ETS1: variants seen among roughly 807,000 people sequenced by gnomAD.
ETS1 encodes the protein ETS proto-oncogene 1, transcription factor, also known as protein C-ets-1.
A neutral mutation model predicts 58.6 loss-of-function variants in ETS1; 15 were observed. That is an observed-to-expected ratio of 0.26 (90% CI 0.17 to 0.39). ETS1 has a LOEUF of 0.39. Ranked by LOEUF, ETS1 falls within the 10% of genes least tolerant of loss-of-function variation. The pLI is 1.00. For missense variants in ETS1, 417 were observed against 610.5 expected, an observed-to-expected ratio of 0.68 and a Z score of 3.34; for synonymous variants, 214 against 218.2, an observed-to-expected ratio of 0.98 and a Z score of 0.17.
intron 1 of ETS1, among the ~76,000 whole-genome samples, chr11:128,586,460 A>G (rs986898624): frequency 2.6e-5 from 4 of 152,234 alleles, no homozygotes; most frequent in African/African-American, 9.6e-5. Context: ...CACCAAACCC[A>G]AAACCACAAC....
chr11:128,566,087 C>G (rs1023177873), intron 2 of ETS1, among the ~76,000 whole-genome samples: 1 of 152,162 alleles, frequency 6.6e-6, no homozygotes, highest in East Asian at 1.9e-4. Flanking sequence ...TGTAAACCAC[C>G]GGCTGTGACA....
intron 3 of ETS1, among the ~76,000 whole-genome samples, chr11:128,512,888 G>A (rs938660204): frequency 1.3e-5 from 2 of 152,268 alleles, no homozygotes; most frequent in African/African-American, 4.8e-5. Context: ...GACTCGGCCT[G>A]CGGAAGCAGC....
At chr11:128,466,348 C>T (rs546922041) in intron 8 of ETS1, among the ~76,000 whole-genome samples, 3 of 152,284 alleles carry the variant, frequency 2.0e-5, no homozygotes, top group Middle Eastern at 3.4e-3. Flanking sequence ...ATCCTTCCCC[C>T]GGATGAGTCT....
intron 5 of ETS1, 32 bp downstream of exon 5, chr11:128,489,258 A>T: frequency 6.3e-7 from 1 of 1,597,624 alleles, no homozygotes; most frequent in Non-Finnish European, 8.6e-7. Context: ...ACCCCACATA[A>T]CCTCCACCTC....
At chr11:128,526,770 A>G (rs1863808642) in intron 3 of ETS1, 2 of 347,176 alleles carry the variant, frequency 5.8e-6, no homozygotes, top group Non-Finnish European at 1.1e-5. Flanking sequence ...TAAATTCTGA[A>G]AGAAGATCAC....
chr11:128,476,132 T>C (rs760520525), intron 8 of ETS1, among the ~76,000 whole-genome samples: 1 of 152,194 alleles, frequency 6.6e-6, no homozygotes, highest in Non-Finnish European at 1.5e-5. Flanking sequence ...CACCTAGACA[T>C]TGATAAGGGC....
intron 8 of ETS1, among the ~76,000 whole-genome samples, chr11:128,478,407 G>A (rs1433986042): frequency 1.6e-5 from 2 of 123,204 alleles, no homozygotes; most frequent in African/African-American, 3.2e-5. Flanking sequence ...GAGGAAGGGA[G>A]GGAGGGGAAG....
intron 8 of ETS1, among the ~76,000 whole-genome samples, chr11:128,477,574 G>A (rs1267447712): frequency 2.6e-5 from 4 of 152,096 alleles, no homozygotes; most frequent in Admixed American, 6.5e-5. Flanking sequence ...CCCTCAGAGG[G>A]TGAGTCTGCA....
At chr11:128,583,302 C>T (rs1163939643) in intron 1 of ETS1, among the ~76,000 whole-genome samples, 2 of 152,212 alleles carry the variant, frequency 1.3e-5, no homozygotes, top group African/African-American at 2.4e-5. Flanking sequence ...AATACAAACC[C>T]GGCTGGGGAG....
chr11:128,580,202 A>G (rs1591678814), intron 1 of ETS1, among the ~76,000 whole-genome samples: 2 of 115,376 alleles, frequency 1.7e-5, no homozygotes, highest in East Asian at 5.1e-4. Flanking sequence ...AAAAAAAAAA[A>G]TCCCTGTGAT....
chr11:128,523,137 C>T (rs1863733756), intron 3 of ETS1, among the ~76,000 whole-genome samples: 1 of 152,204 alleles, frequency 6.6e-6, no homozygotes, highest in African/African-American at 2.4e-5. Flanking sequence ...CACAGACTCT[C>T]CTCTTTTAGA....
chr11:128,567,718 T>G (rs1864533645), intron 2 of ETS1, among the ~76,000 whole-genome samples: 1 of 152,246 alleles, frequency 6.6e-6, no homozygotes, highest in African/African-American at 2.4e-5. Flanking sequence ...CTGCAACCTC[T>G]GCCTCCTGGG....
At chr11:128,563,908 C>T (rs1413898733) in intron 2 of ETS1, among the ~76,000 whole-genome samples, 3 of 152,202 alleles carry the variant, frequency 2.0e-5, no homozygotes, top group African/African-American at 7.2e-5. Context: ...TCTGCTTAAA[C>T]CCTTCCTCCT....
chr11:128,531,665 C>G (rs1485677332), intron 3 of ETS1, among the ~76,000 whole-genome samples: 1 of 152,224 alleles, frequency 6.6e-6, no homozygotes, highest in Non-Finnish European at 1.5e-5. Flanking sequence ...TAATCATATA[C>G]TCACAGCTAC....
intron 3 of ETS1, among the ~76,000 whole-genome samples, chr11:128,545,229 T>G (rs1469497504): frequency 6.6e-6 from 1 of 152,108 alleles, no homozygotes; most frequent in East Asian, 1.9e-4. Flanking sequence ...CAGGTAACAG[T>G]GTCTTGTTTT....
rs1565421489 is a variant in ETS1, at chr11:128,585,098, AGAAAGGAAGGAAG to A, written c.-15+2377_-15+2389del. ...AAAGAGAAAGAAAGAAAGGAAAGAA[AGAAAGGAAGGAAG>A]GAAGGAAAGAAAGAAGAAAGAAAGA... is the stretch of plus-strand genomic sequence containing the variant. On this transcript the variant is annotated intron_variant, in intron 1 of 9. Coordinates refer to ENST00000392668, the MANE Select transcript of ETS1 (RefSeq NM_001143820.2). Among the ~76,000 whole-genome samples, 155 of 30,858 alleles carry A rather than the reference AGAAAGGAAGGAAG, an allele frequency of 5.0e-3. 16 individuals carry two copies. Among genetic ancestry groups the A allele is most frequent in the African/African-American group, 0.012 (37 of 3,084 alleles). The allele number at this position is 30,858 out of a possible 152,430, so 20.2% of individuals were successfully genotyped here. A position where few individuals can be genotyped will look rare whatever the true frequency, so the allele number is the denominator to read the frequency against.
chr11:128,504,810 A>C (rs1863186821), intron 3 of ETS1, among the ~76,000 whole-genome samples: 1 of 151,898 alleles, frequency 6.6e-6, no homozygotes, highest in African/African-American at 2.4e-5. Context: ...GATAAACACT[A>C]CTCCTCCCCA....
intron 2 of ETS1, among the ~76,000 whole-genome samples, chr11:128,570,295 T>C (rs550424149): frequency 2.5e-4 from 38 of 150,462 alleles, no homozygotes; most frequent in Non-Finnish European, 4.1e-4. Context: ...GAGTGTGCAA[T>C]GGCACAATTT....
At chr11:128,554,910 T>A (rs905515525) in intron 3 of ETS1, among the ~76,000 whole-genome samples, 1 of 152,164 alleles carries the variant, frequency 6.6e-6, no homozygotes, top group African/African-American at 2.4e-5. Flanking sequence ...GTCCTCAAAT[T>A]TTTAGTCCTT....
Sources: gnomAD v4.1 joint callset for allele counts (sites outside exome capture counted in the v4.1 genomes callset) on GRCh38, gnomAD v4.1.1 for gene constraint, MANE v1.5 for transcripts, NCBI Gene and HGNC (gene_info 2026-07-23, HGNC 2026-07-21) for gene names.